Variants in GRAMD1C observed in about 807,000 individuals in gnomAD.
GRAMD1C encodes protein Aster-C.
In GRAMD1C, 89 loss-of-function variants were observed where a neutral mutation model predicts 97.8. That is an observed-to-expected ratio of 0.91 (90% CI 0.77 to 1.09). GRAMD1C has a LOEUF of 1.09. Among genes scored for constraint, GRAMD1C ranks in the 50% least tolerant of loss-of-function variants. GRAMD1C has a pLI of 0.00. For missense variants in GRAMD1C, 740 were observed against 766.4 expected (o/e 0.97, Z 0.41); for synonymous variants, 256 against 267.0 (o/e 0.96, Z 0.40).
chr3:113,867,704 T>A (rs1027331363), intron 2 of GRAMD1C, among the ~76,000 whole-genome samples: 2 of 152,234 alleles, frequency 1.3e-5, no homozygotes, highest in Non-Finnish European at 2.9e-5. Flanking sequence ...ATGAGTCAAT[T>A]TTTTTCTTGC....
chr3:113,939,530 A>G (rs551134068), intron 15 of GRAMD1C: 1 of 163,024 alleles, frequency 6.1e-6, no homozygotes, highest in African/African-American at 2.4e-5. Flanking sequence ...AAGGCACCCA[A>G]AAATAGATCC....
At chr3:113,842,996 T>C (rs181062861) in intron 1 of GRAMD1C, among the ~76,000 whole-genome samples, 22 of 145,834 alleles carry the variant, frequency 1.5e-4, no homozygotes, top group Non-Finnish European at 2.1e-4. Context: ...ACCTCAAGCT[T>C]AAGTGGAGCA....
At position 113,945,509 on chromosome 3, in the gene GRAMD1C, T is replaced by C. The variant is rs1938028517; in HGVS notation, c.*31T>C. On this transcript the variant is annotated 3_prime_UTR_variant, in exon 18 of 18. Transcript: ENST00000358160. ...TGAAGGACTAAAACCGCAGAGATAC[T>C]TGGAACTTAAAGAAAATACCTGGAA... is the stretch of plus-strand genomic sequence containing the variant. The C allele has an allele frequency of 1.7e-6, 2 of 1,169,606 alleles. No individual in the cohort carries two copies. Among genetic ancestry groups the C allele is most frequent in the Non-Finnish European group, 1.3e-6 (1 of 790,062 alleles). The allele number at this position is 1,169,606 out of a possible 1,614,324, so 72.5% of individuals were successfully genotyped here. A position where few individuals can be genotyped will look rare whatever the true frequency, so the allele number is the denominator to read the frequency against.
intron 2 of GRAMD1C, chr3:113,850,248 G>T: frequency 1.6e-6 from 1 of 631,568 alleles, no homozygotes. Context: ...TACTGAGGTG[G>T]CTGACCACGT....
intron 7 of GRAMD1C, 147 bp downstream of exon 7, chr3:113,901,293 G>C: frequency 1.7e-6 from 1 of 574,938 alleles, no homozygotes; most frequent in Non-Finnish European, 3.2e-6. Flanking sequence ...GGGGTGAAAG[G>C]TGGGGACAGA....
intron 2 of GRAMD1C, among the ~76,000 whole-genome samples, chr3:113,858,851 GC>G (rs1934258945): frequency 6.6e-6 from 1 of 152,106 alleles, no homozygotes; most frequent in South Asian, 2.1e-4. Context: ...GAGCCACTGT[GC>G]CTGGCCTTAT....
At chr3:113,939,746 G>T in intron 15 of GRAMD1C, 140 bp from the exon 16 acceptor site, 1 of 546,640 alleles carries the variant, frequency 1.8e-6, no homozygotes, top group South Asian at 2.6e-5. Context: ...AATAAAATAG[G>T]GATAATTGAT....
At chr3:113,842,450 T>G (rs1001357366) in intron 1 of GRAMD1C, among the ~76,000 whole-genome samples, 1 of 152,170 alleles carries the variant, frequency 6.6e-6, no homozygotes, top group Non-Finnish European at 1.5e-5. Flanking sequence ...GTTTCAGTTT[T>G]TTTTGTTTGT....
intron 10 of GRAMD1C, among the ~76,000 whole-genome samples, chr3:113,927,608 C>G (rs564598569): frequency 1.3e-5 from 2 of 152,138 alleles, no homozygotes; most frequent in Non-Finnish European, 2.9e-5. Context: ...TAGGGGAACA[C>G]GGGGTTGTGC....
intron 1 of GRAMD1C, among the ~76,000 whole-genome samples, chr3:113,841,955 C>T (rs1933343757): frequency 6.6e-6 from 1 of 152,196 alleles, no homozygotes; most frequent in Non-Finnish European, 1.5e-5. Flanking sequence ...GCCTCAGTCT[C>T]CCAAAATGTT....
intron 17 of GRAMD1C, among the ~76,000 whole-genome samples, chr3:113,942,303 C>A (rs1367118601): frequency 6.6e-6 from 1 of 151,852 alleles, no homozygotes; most frequent in East Asian, 1.9e-4. Context: ...CTTCTTCTGG[C>A]ATACTCATTT....
chr3:113,871,580 C>A lies in GRAMD1C; in HGVS notation c.259+1989C>A, dbSNP rs1934811860. On this transcript the variant is annotated intron_variant, in intron 3 of 17. Coordinates refer to ENST00000358160, the MANE Select transcript of GRAMD1C (RefSeq NM_017577.5). ...TTAACAGGGTGAAACCCTGTTTCTA[C>A]AAAAAATACAAAAAATTAGCCAGGT... is the stretch of plus-strand genomic sequence containing the variant. 2.6e-5 allele frequency among the ~76,000 whole-genome samples: 4 copies of A among 151,514 alleles called. No homozygotes were observed. The South Asian group carries it at 8.4e-4, about 32-fold the overall frequency.
chr3:113,845,685 A>G (rs963509706), intron 2 of GRAMD1C, among the ~76,000 whole-genome samples: 1 of 152,192 alleles, frequency 6.6e-6, no homozygotes, highest in African/African-American at 2.4e-5. Context: ...AGCCTGGGTA[A>G]CAGAGAGAGA....
At chr3:113,940,624 G>A (rs1471016970) in intron 17 of GRAMD1C, among the ~76,000 whole-genome samples, 1 of 150,078 alleles carries the variant, frequency 6.7e-6, no homozygotes, top group African/African-American at 2.4e-5. Flanking sequence ...ATATCAGTGT[G>A]TATACATCTA....
At chr3:113,938,816 G>A (rs1937635121) in intron 15 of GRAMD1C, 2 of 152,122 alleles carry the variant, frequency 1.3e-5, no homozygotes, top group African/African-American at 4.8e-5. Context: ...AGATTTAATT[G>A]AATTGGTTCT....
chr3:113,931,506 A>G (rs1292236413), intron 11 of GRAMD1C, among the ~76,000 whole-genome samples: 1 of 151,852 alleles, frequency 6.6e-6, no homozygotes, highest in Non-Finnish European at 1.5e-5. Context: ...TTACAGGCGC[A>G]CGCCACCATG....
intron 6 of GRAMD1C, among the ~76,000 whole-genome samples, chr3:113,895,802 CT>C (rs1288200171): frequency 2.0e-5 from 3 of 152,106 alleles, no homozygotes; most frequent in Non-Finnish European, 4.4e-5. Flanking sequence ...TAGATGTATC[CT>C]TTTTCTTGCC....
chr3:113,925,474 A>AAAACAAAC (rs146296542), intron 10 of GRAMD1C, among the ~76,000 whole-genome samples: 8,299 of 150,738 alleles, frequency 0.055, 304 homozygotes, highest in African/African-American at 0.092. Flanking sequence ...TGTGTCTCAA[A>AAAACAAAC]AAACAAACAA....
intron 6 of GRAMD1C, chr3:113,885,722 A>G: frequency 6.4e-7 from 1 of 1,550,946 alleles, no homozygotes; most frequent in Admixed American, 1.7e-5. Flanking sequence ...TTGCTGTGGC[A>G]GGTAAACTGG....
Sources: allele counts gnomAD v4.1 joint callset (sites outside exome capture counted in the v4.1 genomes callset), GRCh38; gene constraint gnomAD v4.1.1; transcripts MANE v1.5; gene names NCBI Gene and HGNC (gene_info 2026-07-23, HGNC 2026-07-21).